The following RUNX2 variants were observed in gnomAD, a reference collection of about 807,000 sequenced individuals.
RUNX2 encodes the protein runt-related transcription factor 2.
Under a neutral mutation model 51.7 loss-of-function variants are expected in RUNX2, and 10 were observed. The ratio of observed to expected loss-of-function variants is 0.19; its 90% confidence interval spans 0.12 to 0.33. The LOEUF (loss-of-function observed/expected upper bound fraction) is 0.33, where lower values mean the gene tolerates loss of function less well. RUNX2 is among the 10% of genes least tolerant of loss of function. RUNX2 has a pLI of 1.00. For synonymous variants in RUNX2, 276 were observed against 273.6 expected (o/e 1.01, Z -0.09); for missense variants, 562 against 691.3 (o/e 0.81, Z 2.10).
chr6:45,386,527 A>G (rs1330639573), intron 2 of RUNX2, among the ~76,000 whole-genome samples: 1 of 152,236 alleles, frequency 6.6e-6, no homozygotes, highest in East Asian at 1.9e-4. Context: ...AAAGATGTCA[A>G]GGAAGATAAC....
intron 2 of RUNX2, among the ~76,000 whole-genome samples, chr6:45,392,431 G>T (rs1434462495): frequency 6.6e-6 from 1 of 152,104 alleles, no homozygotes; most frequent in African/African-American, 2.4e-5. Flanking sequence ...GAATGCATGA[G>T]TCCAGGTTAC....
chr6:45,478,565 T>A (rs1161754985), intron 5 of RUNX2, among the ~76,000 whole-genome samples: 1 of 152,202 alleles, frequency 6.6e-6, no homozygotes, highest in Non-Finnish European at 1.5e-5. Flanking sequence ...GAATTAGAAA[T>A]GAGATTCTCC....
chr6:45,420,845 A>G (rs1798166689), intron 2 of RUNX2, among the ~76,000 whole-genome samples: 1 of 152,142 alleles, frequency 6.6e-6, no homozygotes, highest in Non-Finnish European at 1.5e-5. Flanking sequence ...GTAGACACCC[A>G]CGTGCTCTGA....
At position 45,513,516 on chromosome 6, in the gene RUNX2, C is replaced by T. The variant is rs186840544; in HGVS notation, c.1021+1109C>T. On this transcript the variant is annotated intron_variant, in intron 7 of 8. Coordinates refer to ENST00000647337, the MANE Select transcript of RUNX2 (RefSeq NM_001024630.4). ...AGCTGAAGCTCCACCAGCAGGCTTG[C>T]GGGTTTTGATTAGTTCAGACTCCTT... 11 of 152,270 alleles carry T rather than the reference C, an allele frequency of 7.2e-5. No homozygotes were observed. In the East Asian group the frequency reaches 9.7e-4, roughly 13 times the overall value. 9.4% of individuals were successfully genotyped at this position (152,270 alleles called of 1,614,324 possible).
At chr6:45,514,700 C>T (rs965588188) in intron 7 of RUNX2, among the ~76,000 whole-genome samples, 14 of 152,172 alleles carry the variant, frequency 9.2e-5, no homozygotes, top group African/African-American at 3.4e-4. Flanking sequence ...TGTGCCTGCA[C>T]ACCCAAGCAC....
chr6:45,522,975 C>T (rs7756094), intron 7 of RUNX2, among the ~76,000 whole-genome samples: 55,038 of 152,058 alleles, frequency 0.36, 11,559 homozygotes, highest in African/African-American at 0.59. Context: ...GCAACTCTGA[C>T]AAAATCAAAC....
intron 7 of RUNX2, among the ~76,000 whole-genome samples, chr6:45,514,847 A>C (rs1360525991): frequency 6.6e-6 from 1 of 151,790 alleles, no homozygotes; most frequent in East Asian, 1.9e-4. Context: ...ATATCTTATG[A>C]TTCCTCTCAA....
chr6:45,538,342 C>T (rs559264341), intron 7 of RUNX2, among the ~76,000 whole-genome samples: 12 of 152,158 alleles, frequency 7.9e-5, no homozygotes, highest in Non-Finnish European at 1.3e-4. Flanking sequence ...CCTCGCTCGC[C>T]ATCTCCCCGC....
At chr6:45,537,714 G>A (rs115442456) in intron 7 of RUNX2, among the ~76,000 whole-genome samples, 2,397 of 152,268 alleles carry the variant, frequency 0.016, 75 homozygotes, top group African/African-American at 0.055. Context: ...GCAATAGGCA[G>A]TTCTAGTTCC....
Position 45,500,294 on chromosome 6 carries a change from A to G in RUNX2, c.859+8180A>G, listed in dbSNP as rs1800768192. Among the ~76,000 whole-genome samples the G allele has an allele frequency of 3.3e-5, 5 of 152,192 alleles. No homozygotes were observed. The South Asian group carries it at 1.0e-3, about 32-fold the overall frequency. ...TATATTATAGATATGATCAGTCTAA[A>G]AAGTGTTTTCATTTTAATGTATGCG... On this transcript the variant is annotated intron_variant, in intron 6 of 8. Coordinates refer to ENST00000647337, the MANE Select transcript of RUNX2 (RefSeq NM_001024630.4).
intron 5 of RUNX2, among the ~76,000 whole-genome samples, chr6:45,445,271 G>A (rs756587864): frequency 5.9e-5 from 9 of 152,114 alleles, no homozygotes; most frequent in South Asian, 2.1e-4. Context: ...TGATTCACCC[G>A]CCTCAGCTTC....
At chr6:45,356,556 C>A (rs1271404961) in intron 2 of RUNX2, among the ~76,000 whole-genome samples, 1 of 151,956 alleles carries the variant, frequency 6.6e-6, no homozygotes, top group Admixed American at 6.6e-5. Context: ...TGCCACCACG[C>A]CTGGCTAATG....
intron 2 of RUNX2, among the ~76,000 whole-genome samples, chr6:45,356,905 T>C (rs746947326): frequency 2.0e-5 from 3 of 152,206 alleles, no homozygotes; most frequent in Non-Finnish European, 2.9e-5. Flanking sequence ...ATTTACAGAA[T>C]TTACTGTAAC....
intron 2 of RUNX2, among the ~76,000 whole-genome samples, chr6:45,370,431 C>T (rs1446127055): frequency 6.6e-6 from 1 of 151,684 alleles, no homozygotes; most frequent in Non-Finnish European, 1.5e-5. Context: ...AAGTTTGAGA[C>T]AACTATTAGA....
intron 5 of RUNX2, among the ~76,000 whole-genome samples, chr6:45,442,492 A>C (rs1284897343): frequency 6.6e-6 from 1 of 152,196 alleles, no homozygotes; most frequent in Non-Finnish European, 1.5e-5. Flanking sequence ...TTCTACAGGA[A>C]TGTGAAAACT....
chr6:45,481,660 G>A (rs1348226084), intron 5 of RUNX2, among the ~76,000 whole-genome samples: 2 of 152,190 alleles, frequency 1.3e-5, no homozygotes, highest in African/African-American at 2.4e-5. Flanking sequence ...TGGGCATAAT[G>A]TAATAACATC....
Position 45,550,749 on chromosome 6 carries a change from T to C in RUNX2, c.*3444T>C, listed in dbSNP as rs1305038432. The C allele has an allele frequency of 2.0e-5, 3 of 152,700 alleles. No homozygotes were observed. The East Asian group carries it at 5.8e-4, about 29-fold the overall frequency. 9.5% of individuals were successfully genotyped at this position (152,700 alleles called of 1,614,324 possible). A position where few individuals can be genotyped will look rare whatever the true frequency, so the allele number is the denominator to read the frequency against. On this transcript the variant is annotated 3_prime_UTR_variant, in exon 9 of 9. Coordinates refer to ENST00000647337, the MANE Select transcript of RUNX2 (RefSeq NM_001024630.4). Reference sequence around the variant, plus strand: ...TAACTTACAATAATTTCTTAGGTATTCTGAATAAAATTCCATTTCTTTTGG... The same window carrying C: ...TAACTTACAATAATTTCTTAGGTATCCTGAATAAAATTCCATTTCTTTTGG...
chr6:45,338,515 ATT>A (rs1369343353), intron 2 of RUNX2, among the ~76,000 whole-genome samples: 1 of 152,108 alleles, frequency 6.6e-6, no homozygotes, highest in Non-Finnish European at 1.5e-5. Context: ...AAGAGCACTG[ATT>A]TCAGGTAGCT....
intron 2 of RUNX2, among the ~76,000 whole-genome samples, chr6:45,390,116 A>C (rs1375360030): frequency 6.6e-6 from 1 of 152,200 alleles, no homozygotes; most frequent in Non-Finnish European, 1.5e-5. Flanking sequence ...AATTATGTAG[A>C]TAACTCTCAT....
Sources: allele counts gnomAD v4.1 joint callset (sites outside exome capture counted in the v4.1 genomes callset), GRCh38; gene constraint gnomAD v4.1.1; transcripts MANE v1.5; gene names NCBI Gene and HGNC (gene_info 2026-07-23, HGNC 2026-07-21).